ARHGAP26: variants seen among roughly 807,000 people sequenced by gnomAD.
The protein encoded by ARHGAP26 is rho GTPase-activating protein 26.
A neutral mutation model predicts 104.8 loss-of-function variants in ARHGAP26; 38 were observed. The ratio of observed to expected loss-of-function variants is 0.36; its 90% confidence interval spans 0.28 to 0.48. The LOEUF (loss-of-function observed/expected upper bound fraction) is 0.48. Ranked by LOEUF, ARHGAP26 falls within the 20% of genes least tolerant of loss-of-function variation. The pLI, the probability that ARHGAP26 is intolerant of heterozygous loss-of-function variation, is 0.99. For missense variants in ARHGAP26, 704 were observed against 947.9 expected, an observed-to-expected ratio of 0.74 and a Z score of 3.38; for synonymous variants, 341 against 340.0, an observed-to-expected ratio of 1.00 and a Z score of -0.03.
At chr5:142,962,028 A>G (rs1382558835) in intron 11 of ARHGAP26, among the ~76,000 whole-genome samples, 1 of 152,190 alleles carries the variant, frequency 6.6e-6, no homozygotes, top group Admixed American at 6.5e-5. Context: ...ACCCTTTGAG[A>G]TACTGCTGTG....
intron 1 of ARHGAP26, among the ~76,000 whole-genome samples, chr5:142,784,841 C>T (rs1758224524): frequency 6.6e-6 from 1 of 152,002 alleles, no homozygotes; most frequent in Non-Finnish European, 1.5e-5. Context: ...ATCATTCCCC[C>T]AAAGCAATCC....
chr5:143,038,271 G>T (rs1383473952), intron 13 of ARHGAP26, among the ~76,000 whole-genome samples: 4 of 152,090 alleles, frequency 2.6e-5, no homozygotes, highest in Non-Finnish European at 5.9e-5. Context: ...TAAGGACTGT[G>T]AGGCATTAAG....
In ARHGAP26 at chr5:142,780,109, A is replaced by C. The variant is rs979421242; in HGVS notation, c.154+9194A>C. ...TGCATGTGCCAACAAATACACATAC[A>C]CATTGTGCCATATGTGCTGTTTTAC... On this transcript the variant is annotated intron_variant, in intron 1 of 22. Transcript: ENST00000645722. 3.9e-5 allele frequency among the ~76,000 whole-genome samples: 6 copies of C among 152,190 alleles called. No individual in the cohort carries two copies. The East Asian group carries it at 1.2e-3, about 29-fold the overall frequency.
At chr5:142,933,195 A>C (rs1013417918) in intron 11 of ARHGAP26, among the ~76,000 whole-genome samples, 40 of 152,216 alleles carry the variant, frequency 2.6e-4, no homozygotes, top group African/African-American at 9.4e-4. Flanking sequence ...TAGCTATTTG[A>C]TGTCAAAGGC....
At chr5:143,050,834 A>C (rs1784905652) in intron 14 of ARHGAP26, among the ~76,000 whole-genome samples, 1 of 152,186 alleles carries the variant, frequency 6.6e-6, no homozygotes, top group Admixed American at 6.5e-5. Flanking sequence ...ACGGCTACTA[A>C]TCACAATCCT....
chr5:142,929,139 A>G (rs1317386848), intron 10 of ARHGAP26, among the ~76,000 whole-genome samples: 6 of 152,080 alleles, frequency 3.9e-5, no homozygotes, highest in Non-Finnish European at 5.9e-5. Flanking sequence ...GGGTTTCACT[A>G]TGTTGGCCAG....
chr5:143,088,631 T>G (rs916256471), intron 17 of ARHGAP26, among the ~76,000 whole-genome samples: 7 of 152,226 alleles, frequency 4.6e-5, no homozygotes, highest in Non-Finnish European at 8.8e-5. Context: ...GGAATAGCAC[T>G]CGAATATAAA....
At chr5:142,857,111 G>GGTGTGT (rs1238747951) in intron 1 of ARHGAP26, among the ~76,000 whole-genome samples, 2 of 151,750 alleles carry the variant, frequency 1.3e-5, no homozygotes, top group African/African-American at 2.4e-5. Context: ...TTCTTCCCTG[G>GGTGTGT]GTGTGTGTGT....
chr5:143,088,902 C>T (rs190777023), intron 17 of ARHGAP26, among the ~76,000 whole-genome samples: 9 of 151,966 alleles, frequency 5.9e-5, no homozygotes, highest in African/African-American at 1.4e-4. Context: ...AGCAGATAAT[C>T]GGAATGAGTC....
At chr5:142,881,514 A>C (rs138652030) in intron 4 of ARHGAP26, among the ~76,000 whole-genome samples, 1 of 152,146 alleles carries the variant, frequency 6.6e-6, no homozygotes, top group Non-Finnish European at 1.5e-5. Flanking sequence ...TGCATATTCT[A>C]TTCTCCTATT....
intron 21 of ARHGAP26, among the ~76,000 whole-genome samples, chr5:143,210,212 G>A (rs1258828649): frequency 1.3e-5 from 2 of 152,208 alleles, no homozygotes; most frequent in African/African-American, 4.8e-5. Context: ...AATCCTGGCA[G>A]AAGGCAAGGA....
At chr5:142,777,396 G>A (rs1008561670) in intron 1 of ARHGAP26, among the ~76,000 whole-genome samples, 12 of 152,146 alleles carry the variant, frequency 7.9e-5, no homozygotes, top group African/African-American at 2.4e-4. Context: ...AATGAGAACC[G>A]GCCAAGGAAG....
intron 1 of ARHGAP26, among the ~76,000 whole-genome samples, chr5:142,786,084 C>T (rs1281678944): frequency 6.6e-6 from 1 of 152,026 alleles, no homozygotes; most frequent in Non-Finnish European, 1.5e-5. Context: ...AATCCTCCCA[C>T]CTCAGCCTCC....
intron 1 of ARHGAP26, among the ~76,000 whole-genome samples, chr5:142,873,132 G>T (rs1755565444): frequency 6.6e-6 from 1 of 152,212 alleles, no homozygotes; most frequent in African/African-American, 2.4e-5. Flanking sequence ...CATGTCAAAC[G>T]GAGATGACAA....
At chr5:142,797,930 T>C (rs887871821) in intron 1 of ARHGAP26, among the ~76,000 whole-genome samples, 9 of 152,220 alleles carry the variant, frequency 5.9e-5, no homozygotes, top group African/African-American at 2.2e-4. Context: ...TTGATGTTCA[T>C]GCTGCTGAGT....
In ARHGAP26 at chr5:142,854,833, A is replaced by G. The variant is rs368089536; in HGVS notation, c.155-18567A>G. 5.3e-5 allele frequency among the ~76,000 whole-genome samples: 8 copies of G among 152,294 alleles called. No homozygotes were observed. In the South Asian group the frequency reaches 1.7e-3, roughly 32 times the overall value. On this transcript the variant is annotated intron_variant, in intron 1 of 22. Coordinates refer to ENST00000645722, the MANE Select transcript of ARHGAP26 (RefSeq NM_001135608.3). ...AGACCCAGCTGCTTTGTAGGAGGTT[A>G]AATGTTGATGTTGGGACTTTGTATT...
At chr5:142,813,604 G>C (rs1046363121) in intron 1 of ARHGAP26, among the ~76,000 whole-genome samples, 1 of 152,184 alleles carries the variant, frequency 6.6e-6, no homozygotes, top group African/African-American at 2.4e-5. Context: ...TGGCAGGGCT[G>C]TTTTCTTCCC....
At chr5:143,114,555 G>A (rs1795180853) in intron 17 of ARHGAP26, among the ~76,000 whole-genome samples, 2 of 152,318 alleles carry the variant, frequency 1.3e-5, no homozygotes, top group East Asian at 1.9e-4. Flanking sequence ...TTCATTTCCA[G>A]CTAATCCTCT....
At chr5:143,099,163 T>C (rs958988556) in intron 17 of ARHGAP26, among the ~76,000 whole-genome samples, 5 of 152,244 alleles carry the variant, frequency 3.3e-5, no homozygotes, top group African/African-American at 1.2e-4. Flanking sequence ...AACATACCAA[T>C]TTTAACTTAG....
Sources: gnomAD v4.1 joint callset for allele counts (sites outside exome capture counted in the v4.1 genomes callset) on GRCh38, gnomAD v4.1.1 for gene constraint, MANE v1.5 for transcripts, NCBI Gene and HGNC (gene_info 2026-07-23, HGNC 2026-07-21) for gene names.